The following PPL variants were observed in gnomAD, a reference collection of about 807,000 sequenced individuals.
PPL encodes 190 kDa paraneoplastic pemphigus antigen.
In PPL, 198 loss-of-function variants were observed where a neutral mutation model predicts 194.4. The observed-to-expected ratio is 1.02, with a 90% confidence interval of 0.91 to 1.15. The LOEUF (loss-of-function observed/expected upper bound fraction) is 1.15. PPL is among the 50% of genes most tolerant of loss of function. The pLI, the probability that PPL is intolerant of heterozygous loss-of-function variation, is 0.00. For synonymous variants in PPL, 1,220 were observed against 972.4 expected (o/e 1.25, Z -4.74); for missense variants, 2,885 against 2,294.8 (o/e 1.26, Z -5.25).
chr16:4,895,339 C>G lies in PPL; in HGVS notation c.1164G>C (p.Val388=). 1 of 1,613,418 alleles carries G rather than the reference C, an allele frequency of 6.2e-7. No homozygotes were observed. The highest frequency in any genetic ancestry group is 8.5e-7 in the Non-Finnish European group (1 of 1,179,980). Residue 388 remains valine (V), a synonymous_variant, in exon 11 of 22, where the codon GTG becomes GTC. Transcript: ENST00000345988. ...TCTCCCGGCGGTACTTGAGGGGCAC[C>G]ACCTGCTGGCCTCGCTTCTGCAGCC... ...VQGLQKRGQQ[V]VPLKYRRETP... is the part of the protein sequence containing the mutation.
chr16:4,884,844 G>C lies in PPL; in HGVS notation c.3811C>G (p.Gln1271Glu), dbSNP rs1169917948. 6 of 1,614,072 alleles carry C rather than the reference G, an allele frequency of 3.7e-6. No individual in the cohort carries two copies. The highest frequency in any genetic ancestry group is 2.2e-5 in the East Asian group (1 of 44,878). Residue 1271 changes from glutamine to glutamate, a missense_variant, in exon 22 of 22, where the codon CAG becomes GAG. Coordinates refer to ENST00000345988, the MANE Select transcript of PPL (RefSeq NM_002705.5). This position sits in a 1 kb window ranked among gnomAD's most constrained non-coding sequence, Gnocchi z 5.7. ...AGGGCCTGGATTTCCTTTTTCAGCTGGTAGATCTCTAAATCACACCTTTCG... is the reference window on the plus strand; with the variant it reads ...AGGGCCTGGATTTCCTTTTTCAGCTCGTAGATCTCTAAATCACACCTTTCG... ...LIERCDLEIY[Q>E]LKKEIQALKD...
chr16:4,895,673 A>C lies in PPL; in HGVS notation c.1016T>G (p.Val339Gly), dbSNP rs1257208486. The change falls in exon 10 of 22, where the codon GTG becomes GGG. Residue 339 changes from valine (V) to glycine (G), a missense_variant. Coordinates refer to ENST00000345988, the MANE Select transcript of PPL (RefSeq NM_002705.5). ...VKDAQELLRKVDSDLNQKYGP... is the reference protein window; with the variant it reads ...VKDAQELLRKGDSDLNQKYGP... Reference sequence around the variant, plus strand: ...ATACTTCTGGTTCAGGTCCGAGTCCACCTTGCGCAGCAGCTCCTGAGCGTC... The same window carrying C: ...ATACTTCTGGTTCAGGTCCGAGTCCCCCTTGCGCAGCAGCTCCTGAGCGTC... 6.2e-7 allele frequency: 1 copy of C among 1,613,854 alleles called. No individual in the cohort carries two copies. The highest frequency in any genetic ancestry group is 2.2e-5 in the East Asian group (1 of 44,896).
At position 4,893,308 on chromosome 16, in the gene PPL, C is replaced by G. The variant is rs1039263577; in HGVS notation, c.1555G>C (p.Asp519His). 1.9e-6 allele frequency: 3 copies of G among 1,607,680 alleles called. No individual in the cohort carries two copies. Among genetic ancestry groups the G allele is most frequent in the South Asian group, 2.2e-5 (2 of 90,620 alleles). Residue 519 changes from aspartate (D) to histidine (H), a missense_variant, in exon 14 of 22, where the codon GAC (aspartate) becomes CAC (histidine). By Grantham distance (81) the Asp-to-His change is moderately conservative. Transcript: ENST00000345988. ...AGLDKVASDL[D>H]RQEKAITGIL... is the part of the protein sequence containing the mutation. Reference sequence around the variant, plus strand: ...CCTGTGATGGCCTTCTCCTGCCGGTCCAGGTCGCTGGCCACCTTGTCCAAG... The same window carrying G: ...CCTGTGATGGCCTTCTCCTGCCGGTGCAGGTCGCTGGCCACCTTGTCCAAG...
chr16:4,932,767 A>G (rs2089240767), intron 1 of PPL, among the ~76,000 whole-genome samples: 1 of 151,816 alleles, frequency 6.6e-6, no homozygotes, highest in African/African-American at 2.4e-5. Context: ...GGCTGCTATG[A>G]TTTGCCGGGC....
At chr16:4,911,087 G>A in intron 1 of PPL, 138 bp from the exon 2 acceptor site, 1 of 659,238 alleles carries the variant, frequency 1.5e-6, no homozygotes, top group Non-Finnish European at 2.6e-6. Flanking sequence ...GAGGTAGTTG[G>A]GCTGTTCCCA....
intron 1 of PPL, among the ~76,000 whole-genome samples, chr16:4,934,482 A>T (rs983609466): frequency 6.6e-6 from 1 of 151,928 alleles, no homozygotes; most frequent in Non-Finnish European, 1.5e-5. Flanking sequence ...TGCATGAGAC[A>T]CTCAGTATTA....
chr16:4,897,878 G>C (rs2088465646), intron 8 of PPL, 108 bp from the exon 9 acceptor site: 1 of 845,768 alleles, frequency 1.2e-6, no homozygotes, highest in African/African-American at 1.7e-5. Context: ...GAGGCATCTG[G>C]CATCTGTCTG....
rs558705339 is a variant in PPL at position 4,891,064 on chromosome 16, C to T, written c.1969-143G>A. On this transcript the variant is annotated intron_variant, in intron 16 of 21. Transcript: ENST00000345988. ...GGAAGGACCGGAGCCTTGCTCTGTA[C>T]ATCCCAAACCTGGGTCACTTCTGCC... 1.1e-5 allele frequency: 7 copies of T among 632,984 alleles called. No homozygotes were observed. The Admixed American group carries it at 1.8e-4, about 16-fold the overall frequency. 39.2% of individuals were successfully genotyped at this position (632,984 alleles called of 1,614,324 possible).
intron 1 of PPL, among the ~76,000 whole-genome samples, chr16:4,934,052 C>G (rs539859526): frequency 2.6e-5 from 4 of 152,352 alleles, no homozygotes; most frequent in African/African-American, 7.2e-5. Context: ...AGAAGCCAAG[C>G]AGCTCCTCTG....
chr16:4,930,225 C>T (rs2089209870), intron 1 of PPL, among the ~76,000 whole-genome samples: 1 of 152,160 alleles, frequency 6.6e-6, no homozygotes, highest in South Asian at 2.1e-4. Flanking sequence ...GCGTGGAGGA[C>T]CTCTCCTGAA....
chr16:4,896,024 CTCTG>C (rs1443000710), intron 9 of PPL, among the ~76,000 whole-genome samples: 2 of 152,252 alleles, frequency 1.3e-5, no homozygotes, highest in Non-Finnish European at 2.9e-5. Flanking sequence ...CAGTTCCTCT[CTCTG>C]TACTAGGAAC....
chr16:4,934,948 C>T (rs2089277226), intron 1 of PPL, among the ~76,000 whole-genome samples: 1 of 152,164 alleles, frequency 6.6e-6, no homozygotes, highest in South Asian at 2.1e-4. Flanking sequence ...AGGGCTGTGG[C>T]TGTGCTCATT....
rs1482722045 is a variant in PPL at position 4,884,827 on chromosome 16, G to A, written c.3828C>T (p.Ile1276=). ...GGGGTTTGGTGTCTTTCAGGGCCTGGATTTCCTTTTTCAGCTGGTAGATCT... is the reference window on the plus strand; with the variant it reads ...GGGGTTTGGTGTCTTTCAGGGCCTGAATTTCCTTTTTCAGCTGGTAGATCT... The part of the protein sequence containing the change: ...DLEIYQLKKE[I]QALKDTKPQV... Residue 1276 remains isoleucine, a synonymous_variant, in exon 22 of 22, where the codon ATC becomes ATT. Coordinates refer to ENST00000345988, the MANE Select transcript of PPL (RefSeq NM_002705.5). The surrounding 1 kb of genome is among the most constrained non-coding windows in gnomAD (Gnocchi z 5.7). The A allele has an allele frequency of 6.2e-7, 1 of 1,614,064 alleles. No individual in the cohort carries two copies. The highest frequency in any genetic ancestry group is 1.1e-5 in the South Asian group (1 of 91,084).
At chr16:4,888,502 A>G (rs1225621225) in intron 19 of PPL, among the ~76,000 whole-genome samples, 1 of 152,086 alleles carries the variant, frequency 6.6e-6, no homozygotes, top group Non-Finnish European at 1.5e-5. Context: ...AGATTTTCAC[A>G]TTCTGCTGCT....
At position 4,892,181 on chromosome 16, in the gene PPL, A is replaced by G. The variant is rs763488624; in HGVS notation, c.1683T>C (p.Pro561=). The G allele has an allele frequency of 1.2e-5, 20 of 1,613,464 alleles. No individual in the cohort carries two copies. The highest frequency in any genetic ancestry group is 1.7e-5 in the Admixed American group (1 of 60,006). ...CCTCAGCCGTGCTCCGCGTCTTCTC[A>G]GGTTCAATCCGCAGTAGCTCGTTGG... ...NITNELLRIE[P]EKTRSTAEGE... The change falls in exon 15 of 22, where the codon CCT becomes CCC. Residue 561 remains proline, a synonymous_variant. Coordinates refer to ENST00000345988, the MANE Select transcript of PPL (RefSeq NM_002705.5).
intron 14 of PPL, 46 bp downstream of exon 14, chr16:4,893,167 G>C (rs541397294): frequency 6.7e-7 from 1 of 1,482,268 alleles, no homozygotes. Flanking sequence ...CAGGGGGCCA[G>C]TGCAGGGCTC....
intron 8 of PPL, 126 bp downstream of exon 8, chr16:4,898,887 G>T: frequency 1.4e-6 from 1 of 716,656 alleles, no homozygotes; most frequent in East Asian, 2.6e-5. Flanking sequence ...GAAAGAGACA[G>T]ACAGACACAA....
At chr16:4,934,985 G>C (rs1422152180) in intron 1 of PPL, among the ~76,000 whole-genome samples, 4 of 152,178 alleles carry the variant, frequency 2.6e-5, no homozygotes, top group Non-Finnish European at 5.9e-5. Flanking sequence ...AGGCTCAAAG[G>C]AATGGTCTTG....
rs189072742 is a variant in PPL at position 4,926,088 on chromosome 16, T to C, written c.62+10896A>G. 3.5e-3 allele frequency among the ~76,000 whole-genome samples: 526 copies of C among 152,312 alleles called. 4 individuals are homozygous for C. The highest frequency in any genetic ancestry group is 0.012 in the African/African-American group (512 of 41,570). On this transcript the variant is annotated intron_variant, in intron 1 of 21. Coordinates refer to ENST00000345988, the MANE Select transcript of PPL (RefSeq NM_002705.5). Reference sequence around the variant, plus strand: ...AACTGCCATTGAGTGAGCACCTTCCTGGCCCACACCCTACCCTAGCACCGG... The same window carrying C: ...AACTGCCATTGAGTGAGCACCTTCCCGGCCCACACCCTACCCTAGCACCGG...
Sources: gnomAD v4.1 joint callset for allele counts (sites outside exome capture counted in the v4.1 genomes callset) on GRCh38, gnomAD v4.1.1 for gene constraint, Gnocchi (gnomAD v3.1) non-coding constraint, MANE v1.5 for transcripts, NCBI Gene and HGNC (gene_info 2026-07-23, HGNC 2026-07-21) for gene names.